The following CREB5 variants were observed in gnomAD, a reference collection of about 807,000 sequenced individuals.
The protein encoded by CREB5 is cyclic AMP-responsive element-binding protein 5.
CREB5 carries 19 observed loss-of-function variants against 57.1 expected under a neutral mutation model. That is an observed-to-expected ratio of 0.33 (90% confidence interval 0.23 to 0.49). CREB5 has a LOEUF of 0.49. Among genes scored for constraint, CREB5 ranks in the 20% least tolerant of loss-of-function variants. The pLI is 0.99. For synonymous variants in CREB5, 238 were observed against 238.3 expected, an observed-to-expected ratio of 1.00 and a Z score of 0.01; for missense variants, 579 against 671.6, an observed-to-expected ratio of 0.86 and a Z score of 1.52.
chr7:28,814,715 T>G (rs571066603), intron 9 of CREB5, among the ~76,000 whole-genome samples: 1 of 152,300 alleles, frequency 6.6e-6, no homozygotes, highest in African/African-American at 2.4e-5. Context: ...CCATCGTGTT[T>G]TATACTTGGT....
intron 5 of CREB5, among the ~76,000 whole-genome samples, chr7:28,640,831 T>C (rs988562121): frequency 4.6e-5 from 7 of 152,198 alleles, no homozygotes; most frequent in Non-Finnish European, 8.8e-5. Context: ...GGGAAAATGA[T>C]TTCCTCACCT....
chr7:28,806,135 A>G (rs1385386745), intron 8 of CREB5, among the ~76,000 whole-genome samples: 1 of 152,240 alleles, frequency 6.6e-6, no homozygotes, highest in Non-Finnish European at 1.5e-5. Context: ...AGCAAGTTAT[A>G]TAACAATTCT....
At chr7:28,597,497 C>T (rs1796729668) in intron 5 of CREB5, among the ~76,000 whole-genome samples, 1 of 152,168 alleles carries the variant, frequency 6.6e-6, no homozygotes, top group African/African-American at 2.4e-5. Flanking sequence ...GGACTTGATT[C>T]CAGATCAGGA....
chr7:28,560,909 C>CGTGCGTGT (rs1562797731), intron 4 of CREB5, among the ~76,000 whole-genome samples: 2 of 32,692 alleles, frequency 6.1e-5, no homozygotes, highest in African/African-American at 3.3e-4. Flanking sequence ...TGCGCGCGTG[C>CGTGCGTGT]GTGTGCGTGT....
rs1562798492 is a variant in CREB5, at chr7:28,561,007, T to TGTGTGCGTGC, written c.292-9353_292-9352insCGTGCGTGTG. The stretch of plus-strand genomic sequence containing the variant: ...GTGCGTGTGTGTGCCTGCGTGTGCG[T>TGTGTGCGTGC]GTGTGTGTGCGTGTGTGCGTGTGTG... On this transcript the variant is annotated intron_variant, in intron 4 of 10. Transcript: ENST00000357727. Among the ~76,000 whole-genome samples the TGTGTGCGTGC allele has an allele frequency of 3.9e-4, 17 of 44,090 alleles. 2 individuals are homozygous for TGTGTGCGTGC. The highest frequency in any genetic ancestry group is 1.1e-3 in the African/African-American group (10 of 9,260). 28.9% of individuals were successfully genotyped at this position (44,090 alleles called of 152,430 possible). A position where few individuals can be genotyped will look rare whatever the true frequency, so the allele number is the denominator to read the frequency against.
At chr7:28,751,930 CG>C (rs1804999651) in intron 7 of CREB5, among the ~76,000 whole-genome samples, 1 of 152,010 alleles carries the variant, frequency 6.6e-6, no homozygotes, top group Admixed American at 6.6e-5. Flanking sequence ...TTACGAGTAC[CG>C]GTCAGTTCTT....
intron 7 of CREB5, among the ~76,000 whole-genome samples, chr7:28,748,173 C>T (rs1026408913): frequency 6.6e-6 from 1 of 152,176 alleles, no homozygotes; most frequent in African/African-American, 2.4e-5. Context: ...GCATAGAGCT[C>T]ATGTGTAGTG....
intron 7 of CREB5, among the ~76,000 whole-genome samples, chr7:28,794,694 C>T (rs1807922051): frequency 6.6e-6 from 1 of 152,078 alleles, no homozygotes; most frequent in African/African-American, 2.4e-5. Context: ...CTTTCGAACT[C>T]CTTTAAGAGA....
chr7:28,582,554 TC>T (rs1360244916), intron 5 of CREB5, among the ~76,000 whole-genome samples: 6 of 152,240 alleles, frequency 3.9e-5, no homozygotes, highest in African/African-American at 1.4e-4. Context: ...GTGGTGGATT[TC>T]TCTGGAAAGT....
Position 28,736,238 on chromosome 7 carries a change from C to T in CREB5, c.702+11906C>T, listed in dbSNP as rs936310807. Among the ~76,000 whole-genome samples, 9 of 151,254 alleles carry T rather than the reference C, an allele frequency of 6.0e-5. No individual in the cohort carries two copies. The South Asian group carries it at 1.0e-3, about 18-fold the overall frequency. On this transcript the variant is annotated intron_variant, in intron 7 of 10. Transcript: ENST00000357727. ...AGGCTGGAGTACAGTGGTGTGATCT[C>T]GGCTCACTGCAACCTCCGCTTCCCA...
chr7:28,752,484 A>G (rs1805041944), intron 7 of CREB5, among the ~76,000 whole-genome samples: 1 of 152,186 alleles, frequency 6.6e-6, no homozygotes, highest in Admixed American at 6.6e-5. Flanking sequence ...TGTAATTAAT[A>G]TGTATCTCAG....
chr7:28,731,362 A>G (rs1180579545), intron 7 of CREB5, among the ~76,000 whole-genome samples: 2 of 152,234 alleles, frequency 1.3e-5, no homozygotes, highest in Non-Finnish European at 2.9e-5. Context: ...AAGTTCTTAC[A>G]GAGTTTGTAT....
chr7:28,529,807 A>G (rs1044468989), intron 4 of CREB5, among the ~76,000 whole-genome samples: 2 of 152,222 alleles, frequency 1.3e-5, no homozygotes, highest in African/African-American at 4.8e-5. Flanking sequence ...CCCAACTTCA[A>G]GACATGCTCA....
intron 1 of CREB5, among the ~76,000 whole-genome samples, chr7:28,398,949 C>T (rs1183479629): frequency 6.6e-6 from 1 of 152,184 alleles, no homozygotes; most frequent in African/African-American, 2.4e-5. Context: ...CTCCTGGGCT[C>T]AAGCAATTCT....
At chr7:28,732,116 C>T (rs1055089993) in intron 7 of CREB5, among the ~76,000 whole-genome samples, 5 of 152,050 alleles carry the variant, frequency 3.3e-5, no homozygotes, top group Non-Finnish European at 5.9e-5. Context: ...TTTTGAAACG[C>T]CCCTTTCCAT....
chr7:28,699,087 G>A (rs1347525103), intron 5 of CREB5, among the ~76,000 whole-genome samples: 2 of 152,014 alleles, frequency 1.3e-5, no homozygotes, highest in East Asian at 3.9e-4. Flanking sequence ...AGGCTGCCTT[G>A]TCTCATACTC....
In CREB5 at chr7:28,820,242, G is replaced by A. The variant is rs4722856; in HGVS notation, c.*963G>A. 0.11 allele frequency: 16,975 copies of A among 152,538 alleles called. 1,070 individuals are homozygous for A. The highest frequency in any genetic ancestry group is 0.16 in the African/African-American group (6,518 of 41,480). The allele number at this position is 152,538 out of a possible 1,614,324, so 9.4% of individuals were successfully genotyped here. On this transcript the variant is annotated 3_prime_UTR_variant, in exon 11 of 11. Transcript: ENST00000357727. ...AGGGAGCTTTGTAAGCCTTGATTGC[G>A]AAAGTCCAAATTTTGATGTGGGGCT...
chr7:28,551,052 A>T (rs1794619656), intron 4 of CREB5, among the ~76,000 whole-genome samples: 1 of 152,150 alleles, frequency 6.6e-6, no homozygotes, highest in African/African-American at 2.4e-5. Context: ...TTTGCCAATG[A>T]TTAATTTGAT....
chr7:28,529,719 C>A (rs1793639696), intron 4 of CREB5, among the ~76,000 whole-genome samples: 1 of 152,178 alleles, frequency 6.6e-6, no homozygotes, highest in Admixed American at 6.5e-5. Context: ...TTCTTCCCAC[C>A]CAAATGTGGG....
Sources: allele counts gnomAD v4.1 joint callset (sites outside exome capture counted in the v4.1 genomes callset), GRCh38; gene constraint gnomAD v4.1.1; transcripts MANE v1.5; gene names NCBI Gene and HGNC (gene_info 2026-07-23, HGNC 2026-07-21).